Variants in SLC1A4 observed in about 807,000 individuals in gnomAD.
SLC1A4 encodes the protein neutral amino acid transporter A.
Under a neutral mutation model 37.7 loss-of-function variants are expected in SLC1A4, and 19 were observed. That is an observed-to-expected ratio of 0.50 (90% CI 0.35 to 0.74). SLC1A4 has a LOEUF of 0.74. Ranked by LOEUF, SLC1A4 falls within the 30% of genes least tolerant of loss-of-function variation. The probability of loss-of-function intolerance (pLI) is 0.01; values close to 1 mark genes in which losing one functional copy is unlikely to be tolerated. For synonymous variants in SLC1A4, 299 were observed against 309.8 expected, an observed-to-expected ratio of 0.97 and a Z score of 0.37; for missense variants, 570 against 712.9, an observed-to-expected ratio of 0.80 and a Z score of 2.28.
chr2:65,019,717 G>A (rs760553662), intron 7 of SLC1A4, among the ~76,000 whole-genome samples: 2 of 152,316 alleles, frequency 1.3e-5, no homozygotes, highest in East Asian at 1.9e-4. Flanking sequence ...AGGGAACTCC[G>A]TCCCTGAGCT....
intron 5 of SLC1A4, among the ~76,000 whole-genome samples, chr2:65,017,770 C>T (rs1055276152): frequency 1.3e-5 from 2 of 152,158 alleles, no homozygotes; most frequent in Non-Finnish European, 2.9e-5. Context: ...TGTTTGTTCT[C>T]TCGGGAACGT....
chr2:64,999,879 C>T (rs1288584705), intron 1 of SLC1A4: 1 of 152,018 alleles, frequency 6.6e-6, no homozygotes, highest in East Asian at 1.9e-4. Context: ...TGTGACATCC[C>T]ATCACCTTTG....
chr2:64,990,050 C>G lies in SLC1A4; in HGVS notation c.407C>G (p.Ala136Gly). The G allele has an allele frequency of 1.2e-6, 2 of 1,606,934 alleles. No homozygotes were observed. The highest frequency in any genetic ancestry group is 1.7e-6 in the Non-Finnish European group (2 of 1,176,882). Residue 136 changes from alanine (A) to glycine (G), a missense_variant, in exon 1 of 8, where the codon GCG becomes GGG. Ala to Gly is a moderately conservative substitution (Grantham distance 60, BLOSUM62 0). Coordinates refer to ENST00000234256, the MANE Select transcript of SLC1A4 (RefSeq NM_003038.5). Reference protein sequence around the residue: ...LSASALAVALAFIIKPGSGAQ... With the variant: ...LSASALAVALGFIIKPGSGAQ... Reference sequence around the variant, plus strand: ...GCCTCGGCGCTCGCCGTGGCCTTGGCGTTCATCATCAAGCCAGGATCCGGT... The same window carrying G: ...GCCTCGGCGCTCGCCGTGGCCTTGGGGTTCATCATCAAGCCAGGATCCGGT...
intron 1 of SLC1A4, among the ~76,000 whole-genome samples, chr2:64,995,612 T>C (rs1673226765): frequency 6.6e-6 from 1 of 152,108 alleles, no homozygotes; most frequent in South Asian, 2.1e-4. Flanking sequence ...TTGTAGGGGG[T>C]ACCAAGATCT....
rs74825166 is a variant in SLC1A4 at position 65,003,938 on chromosome 2, T to C, written c.571-15T>C. On this transcript the variant is annotated splice_polypyrimidine_tract_variant and intron_variant, in intron 2 of 7. Transcript: ENST00000234256. ...TGTGCACTAACAGTGGGTTTTTTTT[T>C]CCTCTTGATCACAGTATGCAACCGA... 6.8e-5 allele frequency: 109 copies of C among 1,603,062 alleles called. No individual in the cohort carries two copies. The highest frequency in any genetic ancestry group is 8.4e-5 in the Non-Finnish European group (98 of 1,170,624).
At position 65,021,182 on chromosome 2, in the gene SLC1A4, T is replaced by C; in HGVS notation, c.*36T>C. ...CTTTGGGCTTGCCTGCCAGCAGTGA[T>C]GTCCCACCCTGTTCACCCAGCCGCC... On this transcript the variant is annotated 3_prime_UTR_variant, in exon 8 of 8. Coordinates refer to ENST00000234256, the MANE Select transcript of SLC1A4 (RefSeq NM_003038.5). 2 of 1,531,278 alleles carry C rather than the reference T, an allele frequency of 1.3e-6. No homozygotes were observed. The highest frequency in any genetic ancestry group is 1.4e-5 in the African/African-American group (1 of 73,208). 94.9% of individuals were successfully genotyped at this position (1,531,278 alleles called of 1,614,324 possible). A position where few individuals can be genotyped will look rare whatever the true frequency, so the allele number is the denominator to read the frequency against.
At chr2:64,988,884 C>T (rs1672909728), upstream of SLC1A4, among the ~76,000 whole-genome samples, 1 of 138,712 alleles carries the variant, frequency 7.2e-6, no homozygotes, top group Non-Finnish European at 1.6e-5. Flanking sequence ...CCGCGCGGGG[C>T]GAAAGCGCCA....
chr2:65,009,138 T>C (rs1248979937), intron 3 of SLC1A4, among the ~76,000 whole-genome samples: 1 of 152,174 alleles, frequency 6.6e-6, no homozygotes, highest in Non-Finnish European at 1.5e-5. Context: ...GGCGGGCAGA[T>C]CACCTGAGGT....
intron 1 of SLC1A4, among the ~76,000 whole-genome samples, chr2:64,991,593 T>TG (rs1553370739): frequency 7.0e-6 from 1 of 143,406 alleles, no homozygotes; most frequent in Non-Finnish European, 1.5e-5. Context: ...ACACCCAGCT[T>TG]TTTGTTTGTT....
rs1337895721 is a variant in SLC1A4, at chr2:65,004,006, C to G, written c.624C>G (p.Thr208=). 2 of 1,611,834 alleles carry G rather than the reference C, an allele frequency of 1.2e-6. No individual in the cohort carries two copies. Among genetic ancestry groups the G allele is most frequent in the Non-Finnish European group, 8.5e-7 (1 of 1,177,930 alleles). The change falls in exon 3 of 8, where the codon ACC becomes ACG. Residue 208 remains threonine (T), a synonymous_variant. Transcript: ENST00000234256. ...AGAACAGCAGCTCTGGAAATGTAAC[C>G]CATGAAAAGGTAAAGCTTTTTATAA... ...VTQNSSSGNV[T]HEKIPIGTEI... is the part of the protein sequence containing the mutation.
At position 65,017,959 on chromosome 2, in the gene SLC1A4, A is replaced by C. The variant is rs1674222467; in HGVS notation, c.1035-112A>C. The C allele has an allele frequency of 5.8e-6, 5 of 855,592 alleles. No individual in the cohort carries two copies. The East Asian group carries it at 1.2e-4, about 21-fold the overall frequency. The allele number at this position is 855,592 out of a possible 1,614,324, so 53.0% of individuals were successfully genotyped here. A position where few individuals can be genotyped will look rare whatever the true frequency, so the allele number is the denominator to read the frequency against. The stretch of plus-strand genomic sequence containing the variant: ...TTTTTCCCTTATTTCAAGAGAAGAA[A>C]GCCAGAAACGAAGATGGTGCTAATT... On this transcript the variant is annotated intron_variant, in intron 5 of 7. Transcript: ENST00000234256.
chr2:65,000,579 CTGG>C (rs1248818613), intron 1 of SLC1A4: 3 of 152,174 alleles, frequency 2.0e-5, no homozygotes, highest in Non-Finnish European at 2.9e-5. Context: ...ACAATTTGCA[CTGG>C]TGGTGTGATT....
Position 64,989,620 on chromosome 2 carries a change from T to C in SLC1A4, c.-24T>C, listed in dbSNP as rs755835650. The stretch of plus-strand genomic sequence containing the variant: ...CAGAGCCCACGTCCCCTGCCACCTC[T>C]AGCTCGGAGCGGCGTGTAGCGCCAT... On this transcript the variant is annotated 5_prime_UTR_variant, in exon 1 of 8. Transcript: ENST00000234256. The C allele has an allele frequency of 5.4e-6, 8 of 1,469,556 alleles. No homozygotes were observed. Among genetic ancestry groups the C allele is most frequent in the Non-Finnish European group, 6.3e-6 (7 of 1,115,704 alleles). The allele number at this position is 1,469,556 out of a possible 1,614,324, so 91.0% of individuals were successfully genotyped here. A position where few individuals can be genotyped will look rare whatever the true frequency, so the allele number is the denominator to read the frequency against.
intron 3 of SLC1A4, among the ~76,000 whole-genome samples, chr2:65,008,638 C>G (rs1673781561): frequency 6.6e-6 from 1 of 151,848 alleles, no homozygotes; most frequent in South Asian, 2.1e-4. Flanking sequence ...ATAACCCTGT[C>G]TCCAAAAAAA....
At chr2:64,995,899 A>G (rs1391751383) in intron 1 of SLC1A4, among the ~76,000 whole-genome samples, 1 of 152,244 alleles carries the variant, frequency 6.6e-6, no homozygotes, top group East Asian at 1.9e-4. Flanking sequence ...ATCAGATGTT[A>G]CAGAACGTTT....
At position 65,010,659 on chromosome 2, in the gene SLC1A4, G is replaced by T; in HGVS notation, c.696G>T (p.Val232=). ...TAGGATTGGTCCTGTTTGCTCTGGT[G>T]TTAGGAGTGGCCTTAAAGAAACTAG... The part of the protein sequence containing the change: ...NILGLVLFAL[V]LGVALKKLGS... Residue 232 remains valine (V), a synonymous_variant, in exon 4 of 8, where the codon GTG becomes GTT. Coordinates refer to ENST00000234256, the MANE Select transcript of SLC1A4 (RefSeq NM_003038.5). 1 of 1,614,158 alleles carries T rather than the reference G, an allele frequency of 6.2e-7. No individual in the cohort carries two copies. The highest frequency in any genetic ancestry group is 8.5e-7 in the Non-Finnish European group (1 of 1,180,006).
intron 4 of SLC1A4, among the ~76,000 whole-genome samples, chr2:65,014,256 GAA>G (rs1263725337): frequency 1.3e-5 from 2 of 151,830 alleles, no homozygotes; most frequent in East Asian, 1.9e-4. Flanking sequence ...TGCATATATA[GAA>G]AAAAAGAGTT....
In SLC1A4 at chr2:65,018,949, G is replaced by C. The variant is rs1674299259; in HGVS notation, c.1364+270G>C. Among the ~76,000 whole-genome samples the C allele has an allele frequency of 2.0e-5, 3 of 152,242 alleles. No homozygotes were observed. In the South Asian group the frequency reaches 6.2e-4, roughly 32 times the overall value. ...CAGTAAAGCAGGGGTCCACAGCTGA[G>C]GCCCTCAGCGCAGGCCCAAGGGACA... On this transcript the variant is annotated intron_variant, in intron 7 of 7. Transcript: ENST00000234256. The surrounding 1 kb of genome is among the most constrained non-coding windows in gnomAD (Gnocchi z 4.3).
In SLC1A4 at chr2:65,001,429, A is replaced by G; in HGVS notation, c.528-19A>G. The G allele has an allele frequency of 6.2e-7, 1 of 1,612,680 alleles. No homozygotes were observed. Among genetic ancestry groups the G allele is most frequent in the Non-Finnish European group, 8.5e-7 (1 of 1,178,736 alleles). On this transcript the variant is annotated intron_variant, in intron 1 of 7. Coordinates refer to ENST00000234256, the MANE Select transcript of SLC1A4 (RefSeq NM_003038.5). ...ATTGTTTTAAAAGAATACTGACAGA[A>G]TGCTTTCTTTTCCAACAGAAACCTG...
Sources: allele counts gnomAD v4.1 joint callset (sites outside exome capture counted in the v4.1 genomes callset), GRCh38; gene constraint gnomAD v4.1.1; non-coding constraint Gnocchi (gnomAD v3.1); transcripts MANE v1.5; gene names NCBI Gene and HGNC (gene_info 2026-07-23, HGNC 2026-07-21).